The following TM9SF3 variants were observed in gnomAD, a reference collection of about 807,000 sequenced individuals.
TM9SF3 encodes SM-11044-binding protein.
TM9SF3 carries 14 observed loss-of-function variants against 78.6 expected under a neutral mutation model. The ratio of observed to expected loss-of-function variants is 0.18; its 90% confidence interval spans 0.12 to 0.28. The LOEUF is 0.28. Among genes scored for constraint, TM9SF3 ranks in the 10% least tolerant of loss-of-function variants. TM9SF3 has a pLI of 1.00. For synonymous variants in TM9SF3, 231 were observed against 241.7 expected (o/e 0.96, Z 0.41); for missense variants, 496 against 721.9 (o/e 0.69, Z 3.59).
chr10:96,522,517 C>T (rs1353931450), intron 14 of TM9SF3, among the ~76,000 whole-genome samples, 187 bp from the exon 15 acceptor site: 6 of 151,840 alleles, frequency 4.0e-5, no homozygotes, highest in Non-Finnish European at 1.5e-5. Flanking sequence ...TACCATAATA[C>T]ACTGAGTCTG....
intron 10 of TM9SF3, among the ~76,000 whole-genome samples, chr10:96,532,624 T>C (rs1369902058): frequency 6.6e-6 from 1 of 152,220 alleles, no homozygotes; most frequent in East Asian, 1.9e-4. Context: ...CTGCATGTGA[T>C]AGTATCTCTG....
At chr10:96,575,822 C>T (rs1467316446) in intron 2 of TM9SF3, among the ~76,000 whole-genome samples, 7 of 151,844 alleles carry the variant, frequency 4.6e-5, no homozygotes, top group Admixed American at 4.6e-4. Flanking sequence ...AAAGATCCTG[C>T]AAAAATTCAA....
chr10:96,528,813 T>G (rs1045948695), intron 11 of TM9SF3, among the ~76,000 whole-genome samples: 1 of 152,066 alleles, frequency 6.6e-6, no homozygotes, highest in Non-Finnish European at 1.5e-5. Flanking sequence ...AGAAATGAAG[T>G]TGGAGAAGTG....
chr10:96,522,060 T>G lies in TM9SF3; in HGVS notation c.*203A>C. On this transcript the variant is annotated 3_prime_UTR_variant, in exon 15 of 15. Coordinates refer to ENST00000371142, the MANE Select transcript of TM9SF3 (RefSeq NM_020123.4). ...TACTGCATAAAATCCAAGCATTTGC[T>G]GTGAACAGTTGGAGAAAGCAGTCAG... is the stretch of plus-strand genomic sequence containing the variant. The G allele has an allele frequency of 1.8e-6, 1 of 569,568 alleles. No individual in the cohort carries two copies. Among genetic ancestry groups the G allele is most frequent in the South Asian group, 2.3e-5 (1 of 44,378 alleles). 35.3% of individuals were successfully genotyped at this position (569,568 alleles called of 1,614,324 possible). A position where few individuals can be genotyped will look rare whatever the true frequency, so the allele number is the denominator to read the frequency against.
rs1436004207 is a variant in TM9SF3 at position 96,576,697 on chromosome 10, T to C, written c.235A>G (p.Thr79Ala). ...ACCCCTTGAAGTGCTTCTCCCAGAG[T>C]TTCATGGTAATGACTGATACTTTTT... ...SKKSISHYHE[T>A]LGEALQGVEL... Residue 79 changes from threonine (T) to alanine (A), a missense_variant, in exon 2 of 15, where the codon ACT (threonine) becomes GCT (alanine). Transcript: ENST00000371142. 3.1e-6 allele frequency: 5 copies of C among 1,610,590 alleles called. No individual in the cohort carries two copies. The highest frequency in any genetic ancestry group is 4.2e-6 in the Non-Finnish European group (5 of 1,178,792).
intron 5 of TM9SF3, 35 bp from the exon 6 acceptor site, chr10:96,553,094 C>A: frequency 6.5e-7 from 1 of 1,539,316 alleles, no homozygotes; most frequent in Non-Finnish European, 8.7e-7. Flanking sequence ...TACCAACCTG[C>A]AATATCAGCC....
chr10:96,564,782 T>G (rs968408480), intron 3 of TM9SF3, among the ~76,000 whole-genome samples: 8 of 152,362 alleles, frequency 5.3e-5, no homozygotes, highest in African/African-American at 1.7e-4. Flanking sequence ...CATAAATGAT[T>G]TTGGATTATT....
intron 3 of TM9SF3, 59 bp from the exon 4 acceptor site, chr10:96,562,197 C>A (rs1848316522): frequency 8.1e-6 from 10 of 1,239,306 alleles, no homozygotes; most frequent in Non-Finnish European, 1.1e-5. Flanking sequence ...AAATATCCTA[C>A]AAGCTAAATG....
At chr10:96,540,769 C>CTTTTTTTTTTTTTTT (rs68126103) in intron 9 of TM9SF3, among the ~76,000 whole-genome samples, 2 of 51,308 alleles carry the variant, frequency 3.9e-5, no homozygotes, top group Non-Finnish European at 6.7e-5. Context: ...TATTACCTTT[C>CTTTTTTTTTTTTTTT]TTTTTTTTTT....
chr10:96,546,293 T>A (rs1848099237), intron 8 of TM9SF3, among the ~76,000 whole-genome samples: 1 of 152,176 alleles, frequency 6.6e-6, no homozygotes, highest in South Asian at 2.1e-4. Flanking sequence ...AACATAATCT[T>A]TACATTACAT....
At chr10:96,575,130 CA>C (rs1186257434) in intron 2 of TM9SF3, among the ~76,000 whole-genome samples, 2 of 151,930 alleles carry the variant, frequency 1.3e-5, no homozygotes, top group African/African-American at 2.4e-5. Context: ...GTGAGGATCT[CA>C]AAAACTAATG....
chr10:96,527,145 T>G, intron 14 of TM9SF3, 68 bp downstream of exon 14: 2 of 1,342,960 alleles, frequency 1.5e-6, no homozygotes, highest in Non-Finnish European at 2.1e-6. Flanking sequence ...TAATTTCCAA[T>G]TACTGTATTT....
intron 8 of TM9SF3, among the ~76,000 whole-genome samples, chr10:96,545,125 A>G (rs1053934496): frequency 6.6e-6 from 1 of 152,168 alleles, no homozygotes; most frequent in Non-Finnish European, 1.5e-5. Context: ...AAAATCTTCA[A>G]TTTTGCTCAT....
intron 10 of TM9SF3, 51 bp from the exon 11 acceptor site, chr10:96,530,659 T>A: frequency 1.4e-6 from 2 of 1,472,014 alleles, no homozygotes; most frequent in Non-Finnish European, 1.9e-6. Context: ...TTCCATGTTA[T>A]ATAAACACTG....
chr10:96,567,172 C>T (rs1291365250), intron 2 of TM9SF3, among the ~76,000 whole-genome samples: 2 of 146,108 alleles, frequency 1.4e-5, no homozygotes, highest in African/African-American at 5.1e-5. Context: ...GCAACTTCCA[C>T]CTCCCAGGTT....
chr10:96,578,861 AG>A (rs1340833702), intron 1 of TM9SF3, among the ~76,000 whole-genome samples: 1 of 152,248 alleles, frequency 6.6e-6, no homozygotes, highest in African/African-American at 2.4e-5. Context: ...GGATCACTTA[AG>A]GTTAGGAGTT....
intron 10 of TM9SF3, among the ~76,000 whole-genome samples, chr10:96,531,979 G>T (rs968334037): frequency 2.6e-5 from 4 of 152,170 alleles, no homozygotes; most frequent in African/African-American, 9.7e-5. Flanking sequence ...GGGAGACCGA[G>T]GTGGGCAGAT....
Position 96,522,072 on chromosome 10 carries a change from G to A in TM9SF3, c.*191C>T. The A allele has an allele frequency of 1.7e-6, 1 of 587,100 alleles. No homozygotes were observed. The highest frequency in any genetic ancestry group is 3.0e-6 in the Non-Finnish European group (1 of 334,774). 36.4% of individuals were successfully genotyped at this position (587,100 alleles called of 1,614,324 possible). ...TCCAAGCATTTGCTGTGAACAGTTG[G>A]AGAAAGCAGTCAGGAAGAACCTAGG... On this transcript the variant is annotated 3_prime_UTR_variant, in exon 15 of 15. Coordinates refer to ENST00000371142, the MANE Select transcript of TM9SF3 (RefSeq NM_020123.4).
intron 14 of TM9SF3, among the ~76,000 whole-genome samples, chr10:96,525,591 T>C (rs945390341): frequency 6.6e-6 from 1 of 152,038 alleles, no homozygotes; most frequent in Non-Finnish European, 1.5e-5. Flanking sequence ...CCATATCTTA[T>C]ATATATCTTA....
Sources: allele counts gnomAD v4.1 joint callset (sites outside exome capture counted in the v4.1 genomes callset), GRCh38; gene constraint gnomAD v4.1.1; transcripts MANE v1.5; gene names NCBI Gene and HGNC (gene_info 2026-07-23, HGNC 2026-07-21).